The following TEX15 variants were observed in gnomAD, a reference collection of about 807,000 sequenced individuals.
TEX15 encodes testis expressed 15, meiosis and synapsis associated, also known as testis-expressed protein 15.
In TEX15, 171 loss-of-function variants were observed where a neutral mutation model predicts 237.3. The ratio of observed to expected loss-of-function variants is 0.72; its 90% CI spans 0.64 to 0.82. The LOEUF (loss-of-function observed/expected upper bound fraction) is 0.82. TEX15 is among the 40% of genes least tolerant of loss of function. TEX15 has a pLI of 0.00. For missense variants in TEX15, 3,750 were observed against 3,646.5 expected (o/e 1.03, Z -0.73); for synonymous variants, 1,338 against 1,269.8 (o/e 1.05, Z -1.14).
chr8:30,840,675 GTAC>G (rs1212569451), intron 8 of TEX15, among the ~76,000 whole-genome samples: 3 of 152,044 alleles, frequency 2.0e-5, no homozygotes, highest in Admixed American at 6.6e-5. Context: ...ATTGTATACA[GTAC>G]TACTACTTAT....
chr8:30,901,340 A>G (rs1280664622), intron 1 of TEX15, among the ~76,000 whole-genome samples: 2 of 152,212 alleles, frequency 1.3e-5, no homozygotes, highest in African/African-American at 4.8e-5. Context: ...ATTGATTAAC[A>G]TTTCAATTTT....
chr8:30,871,804 C>A (rs575929999), intron 4 of TEX15, among the ~76,000 whole-genome samples: 3 of 152,196 alleles, frequency 2.0e-5, no homozygotes, highest in African/African-American at 7.2e-5. Flanking sequence ...GGATGAAATG[C>A]CTTCATTTCC....
At position 30,846,113 on chromosome 8, in the gene TEX15, G is replaced by T. The variant is rs1807597885; in HGVS notation, c.4054C>A (p.Gln1352Lys). The change falls in exon 8 of 11, where the codon CAG becomes AAG. Residue 1352 changes from glutamine to lysine, a missense_variant. Physicochemically the swap from Gln to Lys is moderately conservative, Grantham distance 53. Transcript: ENST00000643185. Reference sequence around the variant, plus strand: ...ACACTCTTAATGTGCTTTTCTGACTGTGAAAATGTTTTAATTCGTCCTTGG... The same window carrying T: ...ACACTCTTAATGTGCTTTTCTGACTTTGAAAATGTTTTAATTCGTCCTTGG... ...LSQGRIKTFSQSEKHIKSVLN... is the reference protein window; with the variant it reads ...LSQGRIKTFSKSEKHIKSVLN... 3 of 1,613,362 alleles carry T rather than the reference G, an allele frequency of 1.9e-6. No homozygotes were observed. The highest frequency in any genetic ancestry group is 2.5e-6 in the Non-Finnish European group (3 of 1,179,614).
chr8:30,905,087 G>A (rs1440761623), intron 1 of TEX15, among the ~76,000 whole-genome samples: 1 of 152,092 alleles, frequency 6.6e-6, no homozygotes, highest in East Asian at 1.9e-4. Flanking sequence ...TATCAAGAAT[G>A]AATTTTAATA....
At position 30,844,859 on chromosome 8, in the gene TEX15, C is replaced by G. The variant is rs971247715; in HGVS notation, c.5308G>C (p.Glu1770Gln). ...AGGCAATTACCTGAAGAGCACTGTT[C>G]TGTCTTTAGAAGCTCTTTTTCTCTA... ...SCREKELLKT[E>Q]QCSSGNCLHT... Residue 1770 changes from glutamate to glutamine, a missense_variant, in exon 8 of 11, where the codon GAA becomes CAA. Transcript: ENST00000643185. 2 of 1,613,326 alleles carry G rather than the reference C, an allele frequency of 1.2e-6. No individual in the cohort carries two copies. Among genetic ancestry groups the G allele is most frequent in the African/African-American group, 2.7e-5 (2 of 74,906 alleles).
Position 30,844,692 on chromosome 8 carries a change from T to A in TEX15, c.5475A>T (p.Val1825=). The A allele has an allele frequency of 6.2e-7, 1 of 1,613,288 alleles. No homozygotes were observed. The highest frequency in any genetic ancestry group is 1.3e-5 in the African/African-American group (1 of 75,044). The change falls in exon 8 of 11, where the codon GTA becomes GTT. Residue 1825 remains valine (V), a synonymous_variant. Coordinates refer to ENST00000643185, the MANE Select transcript of TEX15 (RefSeq NM_001350162.2). Reference sequence around the variant, plus strand: ...TACATGTTTCTGAAGAGGAGCCTTTTACATTATCTTTTAAAAGCAGAGAAC... The same window carrying A: ...TACATGTTTCTGAAGAGGAGCCTTTAACATTATCTTTTAAAAGCAGAGAAC... ...SDSSLLLKDN[V]KGSSSETCIV...
At position 30,847,727 on chromosome 8, in the gene TEX15, G is replaced by T; in HGVS notation, c.2440C>A (p.Pro814Thr). ...ICVHRKNENE[P>T]VSLENIQRDY... Reference sequence around the variant, plus strand: ...CTCTGAATGTTCTCTAATGACACTGGTTCATTTTCATTTTTCCTATGGACA... The same window carrying T: ...CTCTGAATGTTCTCTAATGACACTGTTTCATTTTCATTTTTCCTATGGACA... Residue 814 changes from proline to threonine, a missense_variant, in exon 8 of 11, where the codon CCA (proline) becomes ACA (threonine). Transcript: ENST00000643185. 6.2e-7 allele frequency: 1 copy of T among 1,613,582 alleles called. No individual in the cohort carries two copies. The highest frequency in any genetic ancestry group is 8.5e-7 in the Non-Finnish European group (1 of 1,179,866).
At chr8:30,850,350 T>C (rs1213882066) in intron 7 of TEX15, among the ~76,000 whole-genome samples, 1 of 152,196 alleles carries the variant, frequency 6.6e-6, no homozygotes. Context: ...AAGTAAATAA[T>C]AATTTCTCAT....
At chr8:30,873,543 AG>A (rs1808338737) in intron 4 of TEX15, among the ~76,000 whole-genome samples, 2 of 152,066 alleles carry the variant, frequency 1.3e-5, no homozygotes, top group Admixed American at 1.3e-4. Context: ...GGAATACTGG[AG>A]GGGTGGGGAT....
intron 4 of TEX15, among the ~76,000 whole-genome samples, chr8:30,868,899 G>C (rs1808230903): frequency 6.9e-6 from 1 of 144,462 alleles, no homozygotes; most frequent in South Asian, 2.2e-4. Context: ...TCATCTTCCT[G>C]ACTACCATTA....
rs1563239378 is a variant in TEX15, at chr8:30,846,173, T to TAAC, written c.3993_3994insGTT (p.Thr1331_Ser1332insVal). ...GAGAAACACTCAGATGAGTCTTGAC[T>TAAC]GGTTAGCCTCCTCTTTCTCCCATAA... On this transcript the variant is annotated inframe_insertion, in exon 8 of 11. Transcript: ENST00000643185. The TAAC allele has an allele frequency of 1.5e-5, 24 of 1,613,326 alleles. No individual in the cohort carries two copies. The highest frequency in any genetic ancestry group is 2.0e-5 in the Non-Finnish European group (24 of 1,179,624).
At chr8:30,865,075 A>C (rs1483969798) in intron 5 of TEX15, among the ~76,000 whole-genome samples, 1 of 152,076 alleles carries the variant, frequency 6.6e-6, no homozygotes, top group African/African-American at 2.4e-5. Flanking sequence ...ACAAACTGTT[A>C]CTTAGACTAA....
intron 7 of TEX15, among the ~76,000 whole-genome samples, 190 bp from the exon 8 acceptor site, chr8:30,849,506 C>T (rs80266229): frequency 0.12 from 17,731 of 152,048 alleles, 1,723 homozygotes; most frequent in African/African-American, 0.27. Flanking sequence ...ATATAAATGA[C>T]GTAGCATGAA....
At chr8:30,876,252 TA>T (rs1428845732) in intron 3 of TEX15, among the ~76,000 whole-genome samples, 1 of 152,196 alleles carries the variant, frequency 6.6e-6, no homozygotes, top group Non-Finnish European at 1.5e-5. Context: ...GCTGGTTATT[TA>T]AAAAAATTCT....
chr8:30,855,257 A>G (rs143556815), intron 7 of TEX15, among the ~76,000 whole-genome samples: 91 of 152,342 alleles, frequency 6.0e-4, no homozygotes, highest in African/African-American at 2.0e-3. Flanking sequence ...AGGATACACT[A>G]TAATTACACA....
Position 30,847,103 on chromosome 8 carries a change from C to A in TEX15, c.3064G>T (p.Val1022Leu). The stretch of plus-strand genomic sequence containing the variant: ...TCACAATCAGAAACCCTATGTTTTA[C>A]TAACAAACCAAAATCTGGACTTTCA... ...SSESPDFGLL[V>L]KHRVSDCEID... Residue 1022 changes from valine (V) to leucine (L), a missense_variant, in exon 8 of 11, where the codon GTA becomes TTA. By Grantham distance (32) the Val-to-Leu change is conservative. Transcript: ENST00000643185. 6.2e-7 allele frequency: 1 copy of A among 1,613,630 alleles called. No individual in the cohort carries two copies. The highest frequency in any genetic ancestry group is 2.2e-5 in the East Asian group (1 of 44,864).
At chr8:30,893,643 C>G (rs1045583209) in intron 2 of TEX15, among the ~76,000 whole-genome samples, 1 of 152,168 alleles carries the variant, frequency 6.6e-6, no homozygotes, top group African/African-American at 2.4e-5. Context: ...GTAGAAAATT[C>G]TAGAATGACT....
In TEX15 at chr8:30,847,718, A is replaced by G; in HGVS notation, c.2449T>C (p.Leu817=). 2.5e-6 allele frequency: 4 copies of G among 1,613,832 alleles called. No individual in the cohort carries two copies. The highest frequency in any genetic ancestry group is 3.4e-6 in the Non-Finnish European group (4 of 1,179,920). ...HRKNENEPVS[L]ENIQRDYKET... is the part of the protein sequence containing the mutation. ...TTATAGTCTCTCTGAATGTTCTCTAATGACACTGGTTCATTTTCATTTTTC... is the reference window on the plus strand; with the variant it reads ...TTATAGTCTCTCTGAATGTTCTCTAGTGACACTGGTTCATTTTCATTTTTC... Residue 817 remains leucine, a synonymous_variant, in exon 8 of 11, where the codon TTA becomes CTA. Transcript: ENST00000643185.
intron 1 of TEX15, among the ~76,000 whole-genome samples, chr8:30,899,887 T>C (rs1208675828): frequency 6.6e-6 from 1 of 152,210 alleles, no homozygotes; most frequent in Admixed American, 6.5e-5. Context: ...AGACAACTTT[T>C]AACTTATTTC....
Sources: gnomAD v4.1 joint callset for allele counts (sites outside exome capture counted in the v4.1 genomes callset) on GRCh38, gnomAD v4.1.1 for gene constraint, MANE v1.5 for transcripts, NCBI Gene and HGNC (gene_info 2026-07-23, HGNC 2026-07-21) for gene names.